The following UBR2 variants were observed in gnomAD, a reference collection of about 807,000 sequenced individuals.
The protein encoded by UBR2 is E3 ubiquitin-protein ligase UBR2.
UBR2 carries 92 observed loss-of-function variants against 247.9 expected under a neutral mutation model. The ratio of observed to expected loss-of-function variants is 0.37; its 90% CI spans 0.31 to 0.44. The LOEUF is 0.44. Ranked by LOEUF, UBR2 falls within the 20% of genes least tolerant of loss-of-function variation. The pLI, the probability that UBR2 is intolerant of heterozygous loss-of-function variation, is 1.00. For synonymous variants in UBR2, 672 were observed against 693.5 expected (o/e 0.97, Z 0.49); for missense variants, 1,613 against 2,112.6 (o/e 0.76, Z 4.64).
intron 16 of UBR2, 113 bp downstream of exon 16, chr6:42,640,383 GGTGTGTGTGTGTGTGTGTGTGTGTGTGT>G (rs61668810): frequency 1.1e-4 from 19 of 174,370 alleles, no homozygotes; most frequent in Non-Finnish European, 1.7e-4. Flanking sequence ...GAACCAGTAA[GGTGTGTGTGTGTGTGTGTGTGTGTGTGT>G]GTGTGTGTGT....
At position 42,640,160 on chromosome 6, in the gene UBR2, A is replaced by G. The variant is rs368008404; in HGVS notation, c.1859-49A>G. 1.7e-5 allele frequency: 26 copies of G among 1,507,994 alleles called. No individual in the cohort carries two copies. The African/African-American group carries it at 2.9e-4, about 17-fold the overall frequency. The allele number at this position is 1,507,994 out of a possible 1,614,324, so 93.4% of individuals were successfully genotyped here. ...TGAATATTTAGGGTATTTTTCCTAA[A>G]TGATTTTTACTGATAGAAATACTGT... On this transcript the variant is annotated intron_variant, in intron 15 of 46. Coordinates refer to ENST00000372901, the MANE Select transcript of UBR2 (RefSeq NM_001363705.2).
chr6:42,628,567 CA>C (rs894286920), intron 11 of UBR2, among the ~76,000 whole-genome samples: 1 of 151,662 alleles, frequency 6.6e-6, no homozygotes. Flanking sequence ...TCTAAAAATA[CA>C]AAAAATTAGC....
intron 21 of UBR2, among the ~76,000 whole-genome samples, chr6:42,646,458 G>A (rs553633150): frequency 6.6e-6 from 1 of 152,222 alleles, no homozygotes; most frequent in East Asian, 1.9e-4. Context: ...TAACCTCTGT[G>A]CCCCACTGTA....
At chr6:42,676,010 G>C in intron 38 of UBR2, 46 bp from the exon 39 acceptor site, 4 of 1,538,788 alleles carry the variant, frequency 2.6e-6, no homozygotes, top group Non-Finnish European at 3.5e-6. Context: ...TTGCTTAGCT[G>C]TGAAAGGAAA....
intron 34 of UBR2, among the ~76,000 whole-genome samples, chr6:42,668,277 A>G (rs1325873803): frequency 6.6e-6 from 1 of 152,160 alleles, no homozygotes; most frequent in Non-Finnish European, 1.5e-5. Context: ...TGGATGGTAT[A>G]TTTTCATGTT....
intron 5 of UBR2, among the ~76,000 whole-genome samples, chr6:42,604,863 C>T (rs1793600420): frequency 6.6e-6 from 1 of 151,742 alleles, no homozygotes; most frequent in Non-Finnish European, 1.5e-5. Flanking sequence ...CCCGCCTCTA[C>T]AAAAAATTAA....
In UBR2 at chr6:42,651,940, C is replaced by T. The variant is rs139840870; in HGVS notation, c.2566-83C>T. Reference sequence around the variant, plus strand: ...GCCTGGCCAACATAGTGAAACCCCACCTCTACTAAAAATATAAAAATTAAC... The same window carrying T: ...GCCTGGCCAACATAGTGAAACCCCATCTCTACTAAAAATATAAAAATTAAC... On this transcript the variant is annotated intron_variant, in intron 23 of 46. Transcript: ENST00000372901. 1.5e-3 allele frequency: 2,058 copies of T among 1,348,730 alleles called. 15 individuals carry two copies. The highest frequency in any genetic ancestry group is 0.015 in the African/African-American group (973 of 66,584). The allele number at this position is 1,348,730 out of a possible 1,614,324, so 83.5% of individuals were successfully genotyped here.
In UBR2 at chr6:42,689,679, C is replaced by G; in HGVS notation, c.5126+9C>G. ...ACCGACCAGGGACTCAGGTAAGAAC[C>G]CATCCTGAGTTAGCTAACTCAGGGC... On this transcript the variant is annotated intron_variant, in intron 46 of 46. Transcript: ENST00000372901. The surrounding 1 kb of genome is among the most constrained non-coding windows in gnomAD (Gnocchi z 4.0). 1 of 1,612,906 alleles carries G rather than the reference C, an allele frequency of 6.2e-7. No homozygotes were observed. Among genetic ancestry groups the G allele is most frequent in the South Asian group, 1.1e-5 (1 of 91,044 alleles).
At chr6:42,652,745 A>T (rs1359196711) in intron 25 of UBR2, 100 bp downstream of exon 25, 4 of 1,121,710 alleles carry the variant, frequency 3.6e-6, no homozygotes, top group Non-Finnish European at 3.8e-6. Context: ...GCCGAAATGT[A>T]TTGTGTTTTC....
rs577924770 is a variant in UBR2 at position 42,626,277 on chromosome 6, T to C, written c.1282-6275T>C. ...CTTTCAGCCTTCTTTTCTGATGATT[T>C]AAGGCTTAGGTTTCCATCTAAGCAT... On this transcript the variant is annotated intron_variant, in intron 11 of 46. Coordinates refer to ENST00000372901, the MANE Select transcript of UBR2 (RefSeq NM_001363705.2). Among the ~76,000 whole-genome samples, 5 of 152,350 alleles carry C rather than the reference T, an allele frequency of 3.3e-5. No homozygotes were observed. The East Asian group carries it at 9.7e-4, about 29-fold the overall frequency.
At chr6:42,673,276 T>C (rs929058185) in intron 36 of UBR2, among the ~76,000 whole-genome samples, 1 of 152,176 alleles carries the variant, frequency 6.6e-6, no homozygotes, top group Non-Finnish European at 1.5e-5. Flanking sequence ...TGTTTTAGGG[T>C]ATCTGTTTAG....
chr6:42,574,487 A>G (rs1260135627), intron 2 of UBR2, among the ~76,000 whole-genome samples: 2 of 152,072 alleles, frequency 1.3e-5, no homozygotes, highest in East Asian at 1.9e-4. Context: ...TTTTTCTTTC[A>G]TTTGGGAATG....
chr6:42,639,617 A>G (rs937424812), intron 15 of UBR2, among the ~76,000 whole-genome samples: 3 of 152,182 alleles, frequency 2.0e-5, no homozygotes, highest in Non-Finnish European at 4.4e-5. Flanking sequence ...CTTAATTCAA[A>G]GGTCAGTATC....
intron 40 of UBR2, among the ~76,000 whole-genome samples, chr6:42,677,881 A>G (rs1798802303): frequency 6.6e-6 from 1 of 152,216 alleles, no homozygotes; most frequent in African/African-American, 2.4e-5. Flanking sequence ...GTTCCAAAAT[A>G]TTATAAATCT....
At chr6:42,666,987 C>T (rs988569095) in intron 34 of UBR2, among the ~76,000 whole-genome samples, 6 of 152,084 alleles carry the variant, frequency 3.9e-5, no homozygotes, top group Non-Finnish European at 7.3e-5. Context: ...ACATAATGTA[C>T]GTAGAGCTAC....
intron 30 of UBR2, among the ~76,000 whole-genome samples, chr6:42,660,967 G>T (rs1428682139): frequency 7.0e-6 from 1 of 143,642 alleles, no homozygotes; most frequent in Non-Finnish European, 1.5e-5. Flanking sequence ...ACCCTGTGTG[G>T]TTTTTTTGTT....
At chr6:42,614,416 G>GTACATACATATA (rs1794389240) in intron 8 of UBR2, among the ~76,000 whole-genome samples, 1 of 43,006 alleles carries the variant, frequency 2.3e-5, no homozygotes, top group Non-Finnish European at 4.9e-5. Flanking sequence ...ATGTATGTAC[G>GTACATACATATA]TACGTACATA....
chr6:42,660,355 G>A (rs1404920858), intron 30 of UBR2, among the ~76,000 whole-genome samples: 2 of 152,154 alleles, frequency 1.3e-5, no homozygotes, highest in African/African-American at 4.8e-5. Context: ...GTGCAGGACA[G>A]TTGAGGGCCC....
chr6:42,663,473 A>C (rs1165039948), intron 32 of UBR2, 54 bp downstream of exon 32: 1 of 1,497,408 alleles, frequency 6.7e-7, no homozygotes, highest in African/African-American at 1.4e-5. Context: ...TTTGAAGATA[A>C]TGAAATAATA....
Sources: gnomAD v4.1 joint callset for allele counts (sites outside exome capture counted in the v4.1 genomes callset) on GRCh38, gnomAD v4.1.1 for gene constraint, Gnocchi (gnomAD v3.1) non-coding constraint, MANE v1.5 for transcripts, NCBI Gene and HGNC (gene_info 2026-07-23, HGNC 2026-07-21) for gene names.